The following RASSF5 variants were observed in gnomAD, a reference collection of about 807,000 sequenced individuals.
RASSF5 encodes Ras association domain family member 5, also known as ras association domain-containing protein 5.
RASSF5 carries 25 observed loss-of-function variants against 40.5 expected under a neutral mutation model. That is an observed-to-expected ratio of 0.62 (90% CI 0.45 to 0.86). The LOEUF (loss-of-function observed/expected upper bound fraction) is 0.86, where lower values mean the gene tolerates loss of function less well. Among genes scored for constraint, RASSF5 ranks in the 40% least tolerant of loss-of-function variants. RASSF5 has a pLI of 0.00. For synonymous variants in RASSF5, 246 were observed against 252.4 expected (o/e 0.97, Z 0.24); for missense variants, 521 against 572.8 (o/e 0.91, Z 0.92).
chr1:206,529,752 A>C, intron 1 of RASSF5: 1 of 474,770 alleles, frequency 2.1e-6, no homozygotes. Context: ...TTAAAATACT[A>C]CAATTTTTCC....
intron 2 of RASSF5, among the ~76,000 whole-genome samples, chr1:206,574,101 C>T (rs1668548898): frequency 6.6e-6 from 1 of 152,150 alleles, no homozygotes; most frequent in Non-Finnish European, 1.5e-5. Context: ...AACTTAGGTC[C>T]CTGTAAGGGA....
In RASSF5 at chr1:206,560,216, C is replaced by A. The variant is rs975546459; in HGVS notation, c.579+21923C>A. 5.3e-5 allele frequency among the ~76,000 whole-genome samples: 8 copies of A among 152,190 alleles called. No individual in the cohort carries two copies. The highest frequency in any genetic ancestry group is 7.3e-5 in the Non-Finnish European group (5 of 68,038). The stretch of plus-strand genomic sequence containing the variant: ...AGCTTGCTTCTATAAATAGCCTTGT[C>A]AGAACAACCTGTGTGGCTGCTCAGT... On this transcript the variant is annotated intron_variant, in intron 2 of 5. Coordinates refer to ENST00000579436, the MANE Select transcript of RASSF5 (RefSeq NM_182663.4). This position sits in a 1 kb window ranked among gnomAD's most constrained non-coding sequence, Gnocchi z 5.1.
intron 2 of RASSF5, among the ~76,000 whole-genome samples, chr1:206,561,667 T>C (rs975874213): frequency 6.8e-5 from 10 of 147,696 alleles, no homozygotes; most frequent in African/African-American, 1.3e-4. Flanking sequence ...CTTTTTCTTT[T>C]TTTTTTTTTT....
rs550058459 is a variant in RASSF5 at position 206,512,073 on chromosome 1, T to C, written c.457+4014T>C. Among the ~76,000 whole-genome samples the C allele has an allele frequency of 2.0e-5, 3 of 152,316 alleles. No homozygotes were observed. In the East Asian group the frequency reaches 5.8e-4, roughly 29 times the overall value. The stretch of plus-strand genomic sequence containing the variant: ...GCAGCACTGAGTGTGTAGCGTGTGT[T>C]TTCCTTGATTTAGCCCCGTGTTTGG... On this transcript the variant is annotated intron_variant, in intron 1 of 5. Coordinates refer to ENST00000579436, the MANE Select transcript of RASSF5 (RefSeq NM_182663.4).
chr1:206,546,087 C>CTTTTTTTTTTTTTTTTTT (rs1667678821), intron 2 of RASSF5, among the ~76,000 whole-genome samples: 3 of 26,448 alleles, frequency 1.1e-4, no homozygotes, highest in Admixed American at 4.5e-4. Context: ...TCTTCTTTTT[C>CTTTTTTTTTTTTTTTTTT]TATTTTTTTT....
At chr1:206,520,003 ACT>A (rs1213802764) in intron 1 of RASSF5, among the ~76,000 whole-genome samples, 3 of 151,532 alleles carry the variant, frequency 2.0e-5, no homozygotes, top group Admixed American at 1.3e-4. Context: ...CCCCTCCCTT[ACT>A]CTCTCTTTAA....
chr1:206,562,854 G>A (rs1043334424), intron 2 of RASSF5, among the ~76,000 whole-genome samples: 15 of 152,056 alleles, frequency 9.9e-5, no homozygotes, highest in African/African-American at 2.9e-4. Flanking sequence ...CCCGGGAGGC[G>A]GAGCTTGCAG....
intron 1 of RASSF5, among the ~76,000 whole-genome samples, chr1:206,530,739 C>T (rs1442715275): frequency 6.6e-6 from 1 of 152,242 alleles, no homozygotes; most frequent in Non-Finnish European, 1.5e-5. Context: ...AGGGTTACCC[C>T]TTACAGACTC....
chr1:206,507,910 T>A lies in RASSF5; in HGVS notation c.308T>A (p.Val103Glu). The A allele has an allele frequency of 6.6e-7, 1 of 1,510,918 alleles. No individual in the cohort carries two copies. The allele number at this position is 1,510,918 out of a possible 1,614,324, so 93.6% of individuals were successfully genotyped here. A position where few individuals can be genotyped will look rare whatever the true frequency, so the allele number is the denominator to read the frequency against. The change falls in exon 1 of 6, where the codon GTG becomes GAG. Residue 103 changes from valine to glutamate, a missense_variant. Val to Glu is a moderately radical substitution (Grantham distance 121, BLOSUM62 -2). Transcript: ENST00000579436. Reference sequence around the variant, plus strand: ...CCTGGAGCGCCCCGACCCCGCGACGTGCGGAGCATCTTCGAGCAGCCGCAG... The same window carrying A: ...CCTGGAGCGCCCCGACCCCGCGACGAGCGGAGCATCTTCGAGCAGCCGCAG... ...RRPGAPRPRD[V>E]RSIFEQPQDP...
chr1:206,519,300 T>G (rs7548639), intron 1 of RASSF5, among the ~76,000 whole-genome samples: 82,112 of 152,054 alleles, frequency 0.54, 22,354 homozygotes, highest in South Asian at 0.71. Flanking sequence ...GCCAGGACTA[T>G]GAACCCTGGG....
chr1:206,507,665 G>T lies in RASSF5; in HGVS notation c.63G>T (p.Pro21=), dbSNP rs1490242519. 5.9e-6 allele frequency: 9 copies of T among 1,526,160 alleles called. No individual in the cohort carries two copies. The highest frequency in any genetic ancestry group is 7.9e-6 in the Non-Finnish European group (9 of 1,143,032). 94.5% of individuals were successfully genotyped at this position (1,526,160 alleles called of 1,614,324 possible). A position where few individuals can be genotyped will look rare whatever the true frequency, so the allele number is the denominator to read the frequency against. The change falls in exon 1 of 6, where the codon CCG becomes CCT. Residue 21 remains proline, a synonymous_variant. Transcript: ENST00000579436. ...RPYPLLLDPE[P]PRYLQSLSGP... ...ACCCGCTACTATTGGACCCCGAGCC[G>T]CCGCGCTATCTACAGAGCCTGAGCG...
chr1:206,576,712 T>TGGAA (rs782157441), intron 2 of RASSF5, among the ~76,000 whole-genome samples: 3 of 152,106 alleles, frequency 2.0e-5, no homozygotes, highest in Admixed American at 6.6e-5. Flanking sequence ...ATAGAGAAGG[T>TGGAA]GGAACTAGGG....
intron 2 of RASSF5, among the ~76,000 whole-genome samples, chr1:206,567,945 C>A (rs1668330395): frequency 6.6e-6 from 1 of 152,124 alleles, no homozygotes; most frequent in Non-Finnish European, 1.5e-5. Context: ...TGCCCAGGGT[C>A]ACATAATAGT....
At chr1:206,536,649 C>T (rs1441611223) in intron 1 of RASSF5, among the ~76,000 whole-genome samples, 1 of 152,074 alleles carries the variant, frequency 6.6e-6, no homozygotes, top group East Asian at 1.9e-4. Flanking sequence ...AAAATCGACA[C>T]CAAATGTACT....
chr1:206,533,129 T>C (rs1667284957), intron 1 of RASSF5, among the ~76,000 whole-genome samples: 1 of 152,208 alleles, frequency 6.6e-6, no homozygotes, highest in African/African-American at 2.4e-5. Context: ...CTGGCTTTAC[T>C]TCTTCAGGGC....
Position 206,552,275 on chromosome 1 carries a change from G to C in RASSF5, c.579+13982G>C, listed in dbSNP as rs935263809. ...TTGAATGCTGAAAATTGCTACCCTA[G>C]GGATGGCAGCATCTTAAGATTCAAC... On this transcript the variant is annotated intron_variant, in intron 2 of 5. Coordinates refer to ENST00000579436, the MANE Select transcript of RASSF5 (RefSeq NM_182663.4). This position sits in a 1 kb window ranked among gnomAD's most constrained non-coding sequence, Gnocchi z 4.1. Among the ~76,000 whole-genome samples, 1 of 152,214 alleles carries C rather than the reference G, an allele frequency of 6.6e-6. No homozygotes were observed. Among genetic ancestry groups the C allele is most frequent in the Non-Finnish European group, 1.5e-5 (1 of 68,030 alleles).
chr1:206,557,380 G>T (rs1668018912), intron 2 of RASSF5: 1 of 1,350,500 alleles, frequency 7.4e-7, no homozygotes, highest in Admixed American at 3.5e-5. Context: ...CCGAGCGCTC[G>T]CACCCCGCTG....
intron 2 of RASSF5, among the ~76,000 whole-genome samples, chr1:206,539,012 A>G (rs1553399040): frequency 6.6e-6 from 1 of 152,224 alleles, no homozygotes. Context: ...TGCATTTTGC[A>G]ATAAAAGTAT....
intron 2 of RASSF5, among the ~76,000 whole-genome samples, chr1:206,582,368 A>G (rs1320617937): frequency 1.3e-5 from 2 of 152,214 alleles, no homozygotes; most frequent in Non-Finnish European, 2.9e-5. Context: ...GAGGAACACA[A>G]TGGGACAGAC....
Sources: allele counts gnomAD v4.1 joint callset (sites outside exome capture counted in the v4.1 genomes callset), GRCh38; gene constraint gnomAD v4.1.1; non-coding constraint Gnocchi (gnomAD v3.1); transcripts MANE v1.5; gene names NCBI Gene and HGNC (gene_info 2026-07-23, HGNC 2026-07-21).